XIRP2: variants seen among roughly 807,000 people sequenced by gnomAD.
The protein encoded by XIRP2 is xin actin-binding repeat-containing protein 2.
XIRP2 carries 236 observed loss-of-function variants against 277.0 expected under a neutral mutation model. The observed-to-expected ratio is 0.85, with a 90% CI of 0.77 to 0.95. XIRP2 has a LOEUF of 0.95. Among genes scored for constraint, XIRP2 ranks in the 40% least tolerant of loss-of-function variants. XIRP2 has a pLI of 0.00. For missense variants in XIRP2, 4,640 were observed against 4,157.5 expected, an observed-to-expected ratio of 1.12 and a Z score of -3.19; for synonymous variants, 1,490 against 1,416.5, an observed-to-expected ratio of 1.05 and a Z score of -1.17.
At chr2:166,981,514 C>T (rs1009946070) in intron 2 of XIRP2, among the ~76,000 whole-genome samples, 24 of 152,090 alleles carry the variant, frequency 1.6e-4, no homozygotes, top group African/African-American at 5.5e-4. Context: ...CTCCACCTCC[C>T]GGGTTCAAGC....
intron 2 of XIRP2, among the ~76,000 whole-genome samples, chr2:166,996,770 C>T (rs1202438628): frequency 6.6e-6 from 1 of 152,134 alleles, no homozygotes; most frequent in African/African-American, 2.4e-5. Context: ...TTGAGCACCC[C>T]TTCTTACGAC....
At chr2:167,072,449 T>C (rs762106792) in intron 2 of XIRP2, among the ~76,000 whole-genome samples, 24 of 152,352 alleles carry the variant, frequency 1.6e-4, no homozygotes, top group Non-Finnish European at 2.6e-4. Flanking sequence ...TTCTCCACTC[T>C]ATATACTAGG....
chr2:167,204,744 T>C (rs1693810586), intron 3 of XIRP2, among the ~76,000 whole-genome samples: 1 of 152,212 alleles, frequency 6.6e-6, no homozygotes, highest in Admixed American at 6.5e-5. Context: ...ATCAGTGTTC[T>C]TTATTGAAAA....
At chr2:167,139,789 C>T (rs552466986) in intron 3 of XIRP2, among the ~76,000 whole-genome samples, 3 of 152,076 alleles carry the variant, frequency 2.0e-5, no homozygotes, top group Non-Finnish European at 4.4e-5. Context: ...TATATCTGTG[C>T]GGTCCAATAT....
At chr2:166,973,481 A>C (rs1324036577) in intron 2 of XIRP2, among the ~76,000 whole-genome samples, 3 of 152,184 alleles carry the variant, frequency 2.0e-5, no homozygotes, top group African/African-American at 7.2e-5. Context: ...AAACAAACAT[A>C]GTTAATATAT....
intron 2 of XIRP2, among the ~76,000 whole-genome samples, chr2:167,000,979 C>T (rs189337851): frequency 5.9e-5 from 9 of 151,948 alleles, no homozygotes; most frequent in African/African-American, 1.5e-4. Flanking sequence ...ACCAGGAGTT[C>T]GAGGTTATAG....
chr2:167,168,620 G>C (rs1011296843), intron 3 of XIRP2, among the ~76,000 whole-genome samples: 17 of 151,926 alleles, frequency 1.1e-4, no homozygotes, highest in Non-Finnish European at 2.2e-4. Flanking sequence ...GTTTGTTTTT[G>C]TTTTTGTTTT....
rs762855547 is a variant in XIRP2 at position 167,258,893 on chromosome 2, C to A, written c.*1076C>A. On this transcript the variant is annotated 3_prime_UTR_variant, in exon 11 of 11. Transcript: ENST00000409195. The stretch of plus-strand genomic sequence containing the variant: ...TGTACTAGCAATGGCTCTGAAGAAA[C>A]AGACTGACAGAGCAGCTGCTGGCAG... 3 of 1,613,120 alleles carry A rather than the reference C, an allele frequency of 1.9e-6. No individual in the cohort carries two copies. The highest frequency in any genetic ancestry group is 2.5e-6 in the Non-Finnish European group (3 of 1,179,594).
Position 167,249,018 on chromosome 2 carries a change from A to G in XIRP2, c.7626A>G (p.Thr2542=), listed in dbSNP as rs531494968. 2.5e-6 allele frequency: 4 copies of G among 1,609,448 alleles called. No individual in the cohort carries two copies. The African/African-American group carries it at 5.4e-5, about 22-fold the overall frequency. The change falls in exon 9 of 11, where the codon ACA becomes ACG. Residue 2542 remains threonine (T), a synonymous_variant. Coordinates refer to ENST00000409195, the MANE Select transcript of XIRP2 (RefSeq NM_152381.6). ...AACCTTATATGAGAAAATTTAAGAC[A>G]CCTTTAATGATTGCTGAAGAAAAAT... ...NPKPYMRKFK[T]PLMIAEEKYR...
chr2:166,898,184 G>A (rs1042218479), intron 1 of XIRP2, among the ~76,000 whole-genome samples: 1 of 152,134 alleles, frequency 6.6e-6, no homozygotes, highest in Non-Finnish European at 1.5e-5. Flanking sequence ...CTCTTGCAAT[G>A]TCCCTCCAGT....
rs368487054 is a variant in XIRP2 at position 167,221,654 on chromosome 2, A to G, written c.858+3354A>G. Among the ~76,000 whole-genome samples, 124 of 152,276 alleles carry G rather than the reference A, an allele frequency of 8.1e-4. 5 individuals are homozygous for G. The South Asian group carries it at 0.026, about 32-fold the overall frequency. ...GTGCATTCTAAAAATCACTTCTTTT[A>G]TCAGCAGGGATTTTGGACAAGATGT... On this transcript the variant is annotated intron_variant, in intron 5 of 10. Coordinates refer to ENST00000409195, the MANE Select transcript of XIRP2 (RefSeq NM_152381.6).
intron 4 of XIRP2, among the ~76,000 whole-genome samples, chr2:167,213,375 G>A (rs1694114139): frequency 6.6e-6 from 1 of 152,164 alleles, no homozygotes; most frequent in South Asian, 2.1e-4. Flanking sequence ...GCTGGAATTA[G>A]AAGCACTGTC....
At position 167,155,567 on chromosome 2, in the gene XIRP2, C is replaced by T. The variant is rs1166055066; in HGVS notation, c.562+19505C>T. Among the ~76,000 whole-genome samples, 7 of 152,234 alleles carry T rather than the reference C, an allele frequency of 4.6e-5. No individual in the cohort carries two copies. In the South Asian group the frequency reaches 8.3e-4, roughly 18 times the overall value. ...AACAGCCCTTCATGTTAAAAACACT[C>T]AATAAATTAGGTATTGATGGGACGT... On this transcript the variant is annotated intron_variant, in intron 3 of 10. Transcript: ENST00000409195.
At chr2:167,018,945 G>A (rs372242692) in intron 2 of XIRP2, among the ~76,000 whole-genome samples, 1 of 151,838 alleles carries the variant, frequency 6.6e-6, no homozygotes, top group Non-Finnish European at 1.5e-5. Context: ...GGAAGGCAGG[G>A]ATTTTTTTTT....
At chr2:167,134,222 T>G (rs1330700487) in intron 2 of XIRP2, among the ~76,000 whole-genome samples, 2 of 151,186 alleles carry the variant, frequency 1.3e-5, no homozygotes, top group Admixed American at 1.3e-4. Context: ...TGTATATTCA[T>G]GTGTATATGT....
In XIRP2 at chr2:167,234,392, T is replaced by TTA. The variant is rs71971811; in HGVS notation, c.859-5449_859-5448dup. 8.2e-3 allele frequency among the ~76,000 whole-genome samples: 1,226 copies of TTA among 148,904 alleles called. 33 individuals carry two copies. The highest frequency in any genetic ancestry group is 0.073 in the East Asian group (374 of 5,098). ...TAACTGAGCCTTTTTATATCATTAA[T>TTA]TATATATATATATATTTACATATAT... On this transcript the variant is annotated intron_variant, in intron 5 of 10. Coordinates refer to ENST00000409195, the MANE Select transcript of XIRP2 (RefSeq NM_152381.6).
At chr2:167,110,258 A>G (rs1293878732) in intron 2 of XIRP2, among the ~76,000 whole-genome samples, 1 of 152,106 alleles carries the variant, frequency 6.6e-6, no homozygotes, top group African/African-American at 2.4e-5. Context: ...TTATGCCCAC[A>G]ATGGTATTTC....
chr2:166,938,656 C>T (rs1267483771), intron 2 of XIRP2, among the ~76,000 whole-genome samples: 2 of 152,202 alleles, frequency 1.3e-5, no homozygotes, highest in African/African-American at 2.4e-5. Context: ...TCCTTGTTAA[C>T]TTTCTGTCTC....
At chr2:167,065,375 T>C (rs1689275453) in intron 2 of XIRP2, among the ~76,000 whole-genome samples, 1 of 151,946 alleles carries the variant, frequency 6.6e-6, no homozygotes, top group Non-Finnish European at 1.5e-5. Context: ...TGATGTTGTT[T>C]TGAGTTTTAG....
Sources: gnomAD v4.1 joint callset for allele counts (sites outside exome capture counted in the v4.1 genomes callset) on GRCh38, gnomAD v4.1.1 for gene constraint, MANE v1.5 for transcripts, NCBI Gene and HGNC (gene_info 2026-07-23, HGNC 2026-07-21) for gene names.